BOC: variants seen among roughly 807,000 people sequenced by gnomAD.
The protein encoded by BOC is BOC cell adhesion associated, oncogene regulated.
BOC carries 76 observed loss-of-function variants against 112.0 expected under a neutral mutation model. That is an observed-to-expected ratio of 0.68 (90% CI 0.56 to 0.82). The LOEUF (loss-of-function observed/expected upper bound fraction) is 0.82. Ranked by LOEUF, BOC falls within the 40% of genes least tolerant of loss-of-function variation. The pLI, the probability that BOC is intolerant of heterozygous loss-of-function variation, is 0.00. For missense variants in BOC, 1,309 were observed against 1,511.7 expected (o/e 0.87, Z 2.22); for synonymous variants, 580 against 599.8 (o/e 0.97, Z 0.48).
intron 4 of BOC, among the ~76,000 whole-genome samples, chr3:113,252,463 A>C (rs1178253627): frequency 6.6e-6 from 1 of 152,040 alleles, no homozygotes; most frequent in Non-Finnish European, 1.5e-5. Context: ...ATGCCCCTCT[A>C]TCCAAGAAAG....
At chr3:113,273,444 TA>T (rs1480043320) in intron 8 of BOC, 103 bp downstream of exon 8, 1 of 1,298,830 alleles carries the variant, frequency 7.7e-7, no homozygotes, top group African/African-American at 1.5e-5. Flanking sequence ...TAGAAAAAAG[TA>T]GCTTTTAGTT....
intron 2 of BOC, among the ~76,000 whole-genome samples, chr3:113,220,712 G>A (rs867528886): frequency 3.4e-4 from 52 of 152,292 alleles, no homozygotes; most frequent in Middle Eastern, 6.8e-3. Context: ...CATTTTGGTC[G>A]TGTTGTCAGA....
At chr3:113,233,370 C>T (rs892393592) in intron 2 of BOC, among the ~76,000 whole-genome samples, 1 of 152,000 alleles carries the variant, frequency 6.6e-6, no homozygotes, top group African/African-American at 2.4e-5. Flanking sequence ...TTAATCATCA[C>T]GAGGAAGGGG....
intron 2 of BOC, among the ~76,000 whole-genome samples, chr3:113,234,897 C>T (rs879756113): frequency 4.6e-5 from 7 of 152,170 alleles, no homozygotes; most frequent in Non-Finnish European, 7.3e-5. Context: ...CTCCCTCGAG[C>T]GCTTCCTGGG....
At chr3:113,238,983 T>C (rs1266636607) in intron 2 of BOC, among the ~76,000 whole-genome samples, 1 of 152,218 alleles carries the variant, frequency 6.6e-6, no homozygotes, top group Non-Finnish European at 1.5e-5. Context: ...TTGAGGGCTC[T>C]AGACCAATGC....
At chr3:113,227,888 A>G (rs962441352) in intron 2 of BOC, among the ~76,000 whole-genome samples, 2 of 151,222 alleles carry the variant, frequency 1.3e-5, no homozygotes, top group African/African-American at 4.9e-5. Flanking sequence ...TTTCTTTAGT[A>G]TGATTTTGTT....
chr3:113,246,026 A>G (rs1386621275), intron 2 of BOC, among the ~76,000 whole-genome samples: 1 of 152,108 alleles, frequency 6.6e-6, no homozygotes, highest in Non-Finnish European at 1.5e-5. Context: ...GTTGTTTGTA[A>G]TTTTCTCAAA....
At chr3:113,237,536 G>A (rs1184069500) in intron 2 of BOC, among the ~76,000 whole-genome samples, 2 of 152,144 alleles carry the variant, frequency 1.3e-5, no homozygotes, top group Admixed American at 6.5e-5. Context: ...GCTTAGTTGG[G>A]TGTTCATTTT....
intron 11 of BOC, 91 bp from the exon 12 acceptor site, chr3:113,279,158 G>A: frequency 3.7e-6 from 5 of 1,353,046 alleles, no homozygotes; most frequent in Admixed American, 3.6e-5. Flanking sequence ...AGCAGGCCAG[G>A]CCCAGTGGGC....
intron 9 of BOC, among the ~76,000 whole-genome samples, chr3:113,275,426 G>A (rs913766290): frequency 2.6e-5 from 4 of 152,184 alleles, no homozygotes; most frequent in Admixed American, 6.5e-5. Context: ...TCCCCAGGCC[G>A]CCACTCTCGC....
At chr3:113,252,714 A>T (rs1490474246) in intron 4 of BOC, among the ~76,000 whole-genome samples, 1 of 152,126 alleles carries the variant, frequency 6.6e-6, no homozygotes. Flanking sequence ...TGTCTCCCTG[A>T]GGAGCCAGGC....
intron 4 of BOC, among the ~76,000 whole-genome samples, chr3:113,267,136 A>G (rs930268998): frequency 1.3e-5 from 2 of 152,188 alleles, no homozygotes; most frequent in African/African-American, 4.8e-5. Flanking sequence ...CTTTCTGAGT[A>G]CCTTTAAGAA....
At position 113,278,381 on chromosome 3, in the gene BOC, A is replaced by G; in HGVS notation, c.1705+124A>G. On this transcript the variant is annotated intron_variant, in intron 10 of 19. Coordinates refer to ENST00000682979, the MANE Select transcript of BOC (RefSeq NM_001378074.1). The surrounding 1 kb of genome is among the most constrained non-coding windows in gnomAD (Gnocchi z 4.2). ...CACCTTGAACTTCATCTTTCCTTCC[A>G]GCTACTGCCTCCTTGTGGTTTGTGT... 1 of 1,132,260 alleles carries G rather than the reference A, an allele frequency of 8.8e-7. No homozygotes were observed. 70.1% of individuals were successfully genotyped at this position (1,132,260 alleles called of 1,614,324 possible).
At chr3:113,224,224 G>A (rs550398899) in intron 2 of BOC, among the ~76,000 whole-genome samples, 27 of 152,318 alleles carry the variant, frequency 1.8e-4, no homozygotes, top group African/African-American at 5.1e-4. Context: ...TTTTGGTTCC[G>A]CCCAGGTTCC....
Position 113,272,586 on chromosome 3 carries a change from A to T in BOC, c.844A>T (p.Ser282Cys). Residue 282 changes from serine (S) to cysteine (C), a missense_variant, in exon 7 of 20, where the codon AGC (serine) becomes TGC (cysteine). Coordinates refer to ENST00000682979, the MANE Select transcript of BOC (RefSeq NM_001378074.1). Reference sequence around the variant, plus strand: ...CTACAACAAGACGCGCTTCCTGCTGAGCAACCTCCTCATCGACACCACCAG... The same window carrying T: ...CTACAACAAGACGCGCTTCCTGCTGTGCAACCTCCTCATCGACACCACCAG... The part of the protein sequence containing the change: ...TGYNKTRFLL[S>C]NLLIDTTSEE... The T allele has an allele frequency of 1.9e-6, 3 of 1,613,980 alleles. No homozygotes were observed. The highest frequency in any genetic ancestry group is 2.5e-6 in the Non-Finnish European group (3 of 1,180,004).
At position 113,249,761 on chromosome 3, in the gene BOC, G is replaced by A. The variant is rs773292940; in HGVS notation, c.-42G>A. 3 of 1,542,142 alleles carry A rather than the reference G, an allele frequency of 1.9e-6. No individual in the cohort carries two copies. The highest frequency in any genetic ancestry group is 3.8e-5 in the Admixed American group (2 of 52,868). On this transcript the variant is annotated 5_prime_UTR_variant, in exon 3 of 20. Coordinates refer to ENST00000682979, the MANE Select transcript of BOC (RefSeq NM_001378074.1). ...CGGCAGTATCTCTTTGTGTGACCCT[G>A]GCGGCTTATGGGACGTTGGCTTCAG...
At chr3:113,226,810 T>C (rs1941739768) in intron 2 of BOC, among the ~76,000 whole-genome samples, 1 of 152,330 alleles carries the variant, frequency 6.6e-6, no homozygotes, top group Middle Eastern at 3.4e-3. Context: ...ACGGAACTGT[T>C]ACTGCTTATC....
At chr3:113,232,206 T>A (rs1942726361) in intron 2 of BOC, among the ~76,000 whole-genome samples, 1 of 152,194 alleles carries the variant, frequency 6.6e-6, no homozygotes, top group South Asian at 2.1e-4. Flanking sequence ...TCCATGTGTT[T>A]GTTTTCTCTG....
At chr3:113,223,325 G>A (rs1391927740) in intron 2 of BOC, among the ~76,000 whole-genome samples, 1 of 152,188 alleles carries the variant, frequency 6.6e-6, no homozygotes, top group African/African-American at 2.4e-5. Context: ...AAGCAAAAAA[G>A]TCCTATACAG....
Sources: gnomAD v4.1 joint callset for allele counts (sites outside exome capture counted in the v4.1 genomes callset) on GRCh38, gnomAD v4.1.1 for gene constraint, Gnocchi (gnomAD v3.1) non-coding constraint, MANE v1.5 for transcripts, NCBI Gene and HGNC (gene_info 2026-07-23, HGNC 2026-07-21) for gene names.